The following HECTD4 variants were observed in gnomAD, a reference collection of about 807,000 sequenced individuals.
The protein encoded by HECTD4 is HECT domain E3 ubiquitin protein ligase 4.
A neutral mutation model predicts 471.5 loss-of-function variants in HECTD4; 114 were observed. That is an observed-to-expected ratio of 0.24 (90% CI 0.21 to 0.28). The LOEUF (loss-of-function observed/expected upper bound fraction) is 0.28, where lower values mean the gene tolerates loss of function less well. HECTD4 is among the 10% of genes least tolerant of loss of function. The pLI is 1.00. For missense variants in HECTD4, 3,866 were observed against 5,651.5 expected (o/e 0.68, Z 10.13); for synonymous variants, 2,012 against 2,256.0 (o/e 0.89, Z 3.07).
chr12:112,234,401 T>A (rs1052780982), intron 37 of HECTD4, among the ~76,000 whole-genome samples: 7 of 152,176 alleles, frequency 4.6e-5, no homozygotes, highest in Non-Finnish European at 7.4e-5. Context: ...GTTGCCATAA[T>A]GGCAGACAGG....
Position 112,163,400 on chromosome 12 carries a change from A to C in HECTD4, c.12898-136T>G. 1 of 1,013,818 alleles carries C rather than the reference A, an allele frequency of 9.9e-7. No homozygotes were observed. The highest frequency in any genetic ancestry group is 1.4e-6 in the Non-Finnish European group (1 of 697,180). The allele number at this position is 1,013,818 out of a possible 1,614,324, so 62.8% of individuals were successfully genotyped here. On this transcript the variant is annotated intron_variant, in intron 74 of 75. Transcript: ENST00000682272. The surrounding 1 kb of genome is among the most constrained non-coding windows in gnomAD (Gnocchi z 8.2). ...TGGGCTGTGAGCACAGGGAGATGAC[A>C]ATGATGACAATGATACAGGTCTGTG... is the stretch of plus-strand genomic sequence containing the variant.
intron 17 of HECTD4, among the ~76,000 whole-genome samples, chr12:112,263,387 A>T (rs9805104): frequency 0.21 from 32,246 of 152,090 alleles, 5,512 homozygotes; most frequent in East Asian, 0.85. Context: ...AAGTTCTTGT[A>T]GATTTCTCTG....
intron 1 of HECTD4, among the ~76,000 whole-genome samples, chr12:112,351,670 T>C (rs2036250159): frequency 6.6e-6 from 1 of 152,230 alleles, no homozygotes; most frequent in Admixed American, 6.5e-5. Flanking sequence ...GTGTGTTTAG[T>C]TGTCTTCTTG....
rs142048230 is a variant in HECTD4 at position 112,265,057 on chromosome 12, G to A, written c.2619+118C>T. 8.7e-4 allele frequency: 830 copies of A among 948,876 alleles called. 11 individuals carry two copies. In the East Asian group the frequency reaches 0.022, roughly 25 times the overall value. 58.8% of individuals were successfully genotyped at this position (948,876 alleles called of 1,614,324 possible). A position where few individuals can be genotyped will look rare whatever the true frequency, so the allele number is the denominator to read the frequency against. ...TGGGATTACAGGCGTGAGCCACTGC[G>A]CCCGGCCTTTCATAAATTATTGTAA... On this transcript the variant is annotated intron_variant, in intron 16 of 75. Transcript: ENST00000682272.
intron 60 of HECTD4, among the ~76,000 whole-genome samples, chr12:112,189,194 C>T (rs2031990875): frequency 6.6e-6 from 1 of 152,048 alleles, no homozygotes; most frequent in Admixed American, 6.6e-5. Flanking sequence ...GACTTGGTTG[C>T]CAACATTTAA....
In HECTD4 at chr12:112,224,669, A is replaced by G. The variant is rs561944082; in HGVS notation, c.6970+1974T>C. Among the ~76,000 whole-genome samples the G allele has an allele frequency of 3.0e-4, 45 of 152,248 alleles. No individual in the cohort carries two copies. The South Asian group carries it at 8.9e-3, about 30-fold the overall frequency. On this transcript the variant is annotated intron_variant, in intron 44 of 75. Transcript: ENST00000682272. ...AGTAATTAACAAGCACTTCCCATAC[A>G]TTTCTTTGCAACTCTTTGTTACCAC...
At position 112,382,100 on chromosome 12, in the gene HECTD4, G is replaced by A. The variant is rs1298656980; in HGVS notation, c.29C>T (p.Ala10Val). The A allele has an allele frequency of 1.6e-6, 2 of 1,226,126 alleles. No homozygotes were observed. Among genetic ancestry groups the A allele is most frequent in the Admixed American group, 4.3e-5 (1 of 23,324 alleles). The allele number at this position is 1,226,126 out of a possible 1,614,324, so 76.0% of individuals were successfully genotyped here. Residue 10 changes from alanine to valine, a missense_variant, in exon 1 of 76, where the codon GCG (alanine) becomes GTG (valine). Ala to Val is a moderately conservative substitution (Grantham distance 64, BLOSUM62 0). Transcript: ENST00000682272. MGSSAAAAAAAAAAADSAQW... is the reference protein window; with the variant it reads MGSSAAAAAVAAAAADSAQW... The stretch of plus-strand genomic sequence containing the variant: ...CGCCGAGTCAGCGGCCGCCGCCGCC[G>A]CCGCCGCCGCGGCCGCCGACGAGCC...
Position 112,382,310 on chromosome 12 carries a change from C to A in HECTD4, c.-182G>T. 2.1e-6 allele frequency: 1 copy of A among 466,190 alleles called. No homozygotes were observed. The highest frequency in any genetic ancestry group is 3.3e-6 in the Non-Finnish European group (1 of 302,824). 28.9% of individuals were successfully genotyped at this position (466,190 alleles called of 1,614,324 possible). A position where few individuals can be genotyped will look rare whatever the true frequency, so the allele number is the denominator to read the frequency against. On this transcript the variant is annotated 5_prime_UTR_variant, in exon 1 of 76. Coordinates refer to ENST00000682272, the MANE Select transcript of HECTD4 (RefSeq NM_001388303.1). ...GAGTCGCCATACCCCCGACCCCGGCCCGGGAGACCCCGGCCCTGCCGCCGC... is the reference window on the plus strand; with the variant it reads ...GAGTCGCCATACCCCCGACCCCGGCACGGGAGACCCCGGCCCTGCCGCCGC...
Position 112,314,553 on chromosome 12 carries a change from A to C in HECTD4, c.696-7T>G. On this transcript the variant is annotated splice_region_variant and splice_polypyrimidine_tract_variant and intron_variant, in intron 2 of 75. Coordinates refer to ENST00000682272, the MANE Select transcript of HECTD4 (RefSeq NM_001388303.1). Reference sequence around the variant, plus strand: ...GAAAGTTTTCAATGATCCCCTAAAAATAAAAGGAAGGAACAGTAAATCATC... The same window carrying C: ...GAAAGTTTTCAATGATCCCCTAAAACTAAAAGGAAGGAACAGTAAATCATC... 7.0e-7 allele frequency: 1 copy of C among 1,431,332 alleles called. No individual in the cohort carries two copies. Among genetic ancestry groups the C allele is most frequent in the Non-Finnish European group, 9.5e-7 (1 of 1,051,730 alleles). 88.7% of individuals were successfully genotyped at this position (1,431,332 alleles called of 1,614,324 possible).
In HECTD4 at chr12:112,319,391, G is replaced by A. The variant is rs533773386; in HGVS notation, c.529C>T (p.Arg177Cys). 26 of 1,536,136 alleles carry A rather than the reference G, an allele frequency of 1.7e-5. No individual in the cohort carries two copies. The highest frequency in any genetic ancestry group is 2.4e-5 in the East Asian group (1 of 40,916). ...GTCAAGCTCAAAGGCTGGCAGTCAC[G>A]AAGGCAGTTCAATAGCACCTCAGCA... ...ITAEVLLNCL[R>C]DCQPLSLTKE... The change falls in exon 2 of 76, where the codon CGT (arginine) becomes TGT (cysteine). Residue 177 changes from arginine to cysteine, a missense_variant. Physicochemically the swap from Arg to Cys is radical, Grantham distance 180 (BLOSUM62 -3). Coordinates refer to ENST00000682272, the MANE Select transcript of HECTD4 (RefSeq NM_001388303.1). This position sits in a 1 kb window ranked among gnomAD's most constrained non-coding sequence, Gnocchi z 5.3.
intron 48 of HECTD4, 43 bp from the exon 49 acceptor site, chr12:112,212,693 A>T (rs2032798701): frequency 1.3e-6 from 2 of 1,535,526 alleles, no homozygotes. Flanking sequence ...TCTCCCTTTT[A>T]TTAAGTAAAT....
At position 112,172,660 on chromosome 12, in the gene HECTD4, G is replaced by A; in HGVS notation, c.11785+11C>T. 6.2e-7 allele frequency: 1 copy of A among 1,613,164 alleles called. No homozygotes were observed. Among genetic ancestry groups the A allele is most frequent in the South Asian group, 1.1e-5 (1 of 91,062 alleles). ...GGCAGCAGGGGAGGGGATAGGCCCAGGGCCACATACTCAGGAGACAGGCCA... is the reference window on the plus strand; with the variant it reads ...GGCAGCAGGGGAGGGGATAGGCCCAAGGCCACATACTCAGGAGACAGGCCA... On this transcript the variant is annotated intron_variant, in intron 67 of 75. Transcript: ENST00000682272.
At chr12:112,352,494 C>A (rs771342492) in intron 1 of HECTD4, among the ~76,000 whole-genome samples, 1 of 151,712 alleles carries the variant, frequency 6.6e-6, no homozygotes, top group Non-Finnish European at 1.5e-5. Context: ...TGCCACTACG[C>A]CCAGCTAATT....
chr12:112,373,867 G>A (rs1325060544), intron 1 of HECTD4, among the ~76,000 whole-genome samples: 31 of 151,706 alleles, frequency 2.0e-4, no homozygotes, highest in Admixed American at 2.0e-3. Context: ...AGCCAGGCAT[G>A]GTGATGCATG....
Position 112,184,466 on chromosome 12 carries a change from G to T in HECTD4, c.10500C>A (p.Ile3500=). The change falls in exon 61 of 76, where the codon ATC becomes ATA. Residue 3500 remains isoleucine, a synonymous_variant. Transcript: ENST00000682272. The surrounding 1 kb of genome is among the most constrained non-coding windows in gnomAD (Gnocchi z 9.1). ...CAGAGAGGTCGCTGACGGTTTGGGA[G>T]ATGCCCTGCGAGCTGCAGATGGAGG... ...SQASICSSQG[I]SQTVSDLSVD... 1.2e-6 allele frequency: 2 copies of T among 1,606,310 alleles called. No individual in the cohort carries two copies. Among genetic ancestry groups the T allele is most frequent in the African/African-American group, 1.3e-5 (1 of 74,992 alleles).
At chr12:112,285,120 G>A (rs1443507940) in intron 7 of HECTD4, among the ~76,000 whole-genome samples, 7 of 152,298 alleles carry the variant, frequency 4.6e-5, no homozygotes, top group Admixed American at 2.6e-4. Flanking sequence ...TTACAGGCGT[G>A]AGCCACCATG....
At chr12:112,377,290 C>CA (rs1019524673) in intron 1 of HECTD4, among the ~76,000 whole-genome samples, 2 of 151,134 alleles carry the variant, frequency 1.3e-5, no homozygotes, top group African/African-American at 4.9e-5. Flanking sequence ...AAAAATAAAA[C>CA]AAAAAAACGG....
chr12:112,209,212 T>C (rs1042785237), intron 50 of HECTD4, among the ~76,000 whole-genome samples: 5 of 152,190 alleles, frequency 3.3e-5, no homozygotes, highest in Admixed American at 2.0e-4. Context: ...AAACAGAATC[T>C]TAAAACAGTT....
intron 18 of HECTD4, among the ~76,000 whole-genome samples, 170 bp from the exon 19 acceptor site, chr12:112,259,435 G>T (rs924115976): frequency 6.6e-6 from 1 of 152,086 alleles, no homozygotes; most frequent in African/African-American, 2.4e-5. Flanking sequence ...CTGCCACTGA[G>T]GGAGAGGGGA....
Sources: allele counts gnomAD v4.1 joint callset (sites outside exome capture counted in the v4.1 genomes callset), GRCh38; gene constraint gnomAD v4.1.1; non-coding constraint Gnocchi (gnomAD v3.1); transcripts MANE v1.5; gene names NCBI Gene and HGNC (gene_info 2026-07-23, HGNC 2026-07-21).